Variants in MASP2 observed in about 807,000 individuals in gnomAD.
MASP2 encodes MBL associated serine protease 2.
Under a neutral mutation model 57.1 loss-of-function variants are expected in MASP2, and 49 were observed. The ratio of observed to expected loss-of-function variants is 0.86; its 90% confidence interval spans 0.68 to 1.09. The LOEUF (loss-of-function observed/expected upper bound fraction) is 1.09, where lower values mean the gene tolerates loss of function less well. Among genes scored for constraint, MASP2 ranks in the 50% least tolerant of loss-of-function variants. The probability of loss-of-function intolerance (pLI) is 0.00; values close to 1 mark genes in which losing one functional copy is unlikely to be tolerated. For synonymous variants in MASP2, 379 were observed against 340.8 expected (o/e 1.11, Z -1.24); for missense variants, 900 against 874.8 (o/e 1.03, Z -0.36).
At chr1:11,039,120 T>C (rs1451326613) in intron 6 of MASP2, among the ~76,000 whole-genome samples, 1 of 152,208 alleles carries the variant, frequency 6.6e-6, no homozygotes, top group Non-Finnish European at 1.5e-5. Flanking sequence ...GATAGCTTCC[T>C]AGCTCCTAGC....
chr1:11,027,471 G>A lies in MASP2; in HGVS notation c.1475C>T (p.Ala492Val). The A allele has an allele frequency of 6.2e-7, 1 of 1,614,104 alleles. No individual in the cohort carries two copies. Among genetic ancestry groups the A allele is most frequent in the Non-Finnish European group, 8.5e-7 (1 of 1,179,980 alleles). The change falls in exon 11 of 11, where the codon GCA becomes GTA. Residue 492 changes from alanine to valine, a missense_variant. Transcript: ENST00000400897. Reference sequence around the variant, plus strand: ...GCCCATTCGAATGTCCAGGGCGGATGCATCATGTTTTTGCTCATAGACGGC... The same window carrying A: ...GCCCATTCGAATGTCCAGGGCGGATACATCATGTTTTTGCTCATAGACGGC... ...AHAVYEQKHD[A>V]SALDIRMGTL...
chr1:11,031,546 A>AAAAAAAT (rs55763824), intron 8 of MASP2, among the ~76,000 whole-genome samples: 87 of 147,990 alleles, frequency 5.9e-4, no homozygotes, highest in Non-Finnish European at 1.1e-3. Flanking sequence ...AAAAAAAAAA[A>AAAAAAAT]GGCTGCAGCG....
chr1:11,029,253 G>A (rs1257405285), intron 10 of MASP2, among the ~76,000 whole-genome samples: 3 of 151,448 alleles, frequency 2.0e-5, no homozygotes, highest in African/African-American at 4.9e-5. Context: ...TTCCGCCTTG[G>A]CCTCCCAAAG....
intron 6 of MASP2, among the ~76,000 whole-genome samples, chr1:11,038,537 G>C (rs538736484): frequency 6.6e-6 from 1 of 152,274 alleles, no homozygotes; most frequent in East Asian, 1.9e-4. Flanking sequence ...GTGCTCCCCA[G>C]CTGCCCCTAA....
At chr1:11,031,927 T>C (rs1643853074) in intron 8 of MASP2, among the ~76,000 whole-genome samples, 1 of 151,968 alleles carries the variant, frequency 6.6e-6, no homozygotes, top group Non-Finnish European at 1.5e-5. Context: ...AAAATTCAGC[T>C]TATTCTTCTG....
rs1643830230 is a variant in MASP2, at chr1:11,030,771, A to C, written c.1199T>G (p.Phe400Cys). The change falls in exon 9 of 11, where the codon TTC becomes TGC. Residue 400 changes from phenylalanine (F) to cysteine (C), a missense_variant. Coordinates refer to ENST00000400897, the MANE Select transcript of MASP2 (RefSeq NM_006610.4). ...AVIQYSCEET[F>C]YTMKVNDGKY... is the part of the protein sequence containing the mutation. ...ACCATCATTCACTTTCATTGTGTAG[A>C]AGGTCTCTTCACAGCTGTACTGAAT... 3 of 1,611,642 alleles carry C rather than the reference A, an allele frequency of 1.9e-6. No homozygotes were observed. Among genetic ancestry groups the C allele is most frequent in the South Asian group, 2.2e-5 (2 of 90,532 alleles).
intron 4 of MASP2, 148 bp downstream of exon 4, chr1:11,045,260 G>C: frequency 8.4e-7 from 1 of 1,189,208 alleles, no homozygotes. Flanking sequence ...AAGCAGGGCT[G>C]AGAAGGGGAG....
intron 8 of MASP2, among the ~76,000 whole-genome samples, chr1:11,032,298 TGGAG>T (rs1372345781): frequency 1.3e-5 from 2 of 152,114 alleles, no homozygotes; most frequent in Non-Finnish European, 2.9e-5. Flanking sequence ...TGTGTGTAAT[TGGAG>T]GGACACACAC....
chr1:11,040,849 A>AATGG (rs1638402048), intron 6 of MASP2, among the ~76,000 whole-genome samples: 1 of 129,600 alleles, frequency 7.7e-6, no homozygotes, highest in Admixed American at 7.6e-5. Flanking sequence ...TGACTGGGAG[A>AATGG]ATGGGTGGGT....
At chr1:11,032,677 G>A (rs1216065589) in intron 8 of MASP2, among the ~76,000 whole-genome samples, 1 of 151,228 alleles carries the variant, frequency 6.6e-6, no homozygotes, top group African/African-American at 2.4e-5. Context: ...GGGAGGCCAA[G>A]GCAGGTGGAT....
chr1:11,046,734 C>T lies in MASP2; in HGVS notation c.235-1G>A. On this transcript the variant is annotated splice_acceptor_variant, in intron 2 of 10. Transcript: ENST00000400897. LOFTEE classifies it high-confidence loss of function. ...CCAGCACCTTGGCCCCCGAGCTCAG[C>T]TGTGGGGTCAGGTGTCACAGGGAGT... 1 of 1,611,346 alleles carries T rather than the reference C, an allele frequency of 6.2e-7. No homozygotes were observed. Among genetic ancestry groups the T allele is most frequent in the Non-Finnish European group, 8.5e-7 (1 of 1,179,122 alleles).
chr1:11,033,967 T>A (rs11804499), intron 8 of MASP2, among the ~76,000 whole-genome samples: 3,210 of 13,370 alleles, frequency 0.24, 74 homozygotes, highest in African/African-American at 0.39. Flanking sequence ...ACACACACAC[T>A]CTCTCTCTCT....
rs1446045930 is a variant in MASP2, at chr1:11,047,128, A to T, written c.6-9T>A. The T allele has an allele frequency of 2.6e-6, 4 of 1,549,078 alleles. No homozygotes were observed. The highest frequency in any genetic ancestry group is 2.6e-6 in the Non-Finnish European group (3 of 1,146,020). The stretch of plus-strand genomic sequence containing the variant: ...CCAGGAGGGTCAGCAGCCTATGGGC[A>T]GGGCAGGGGCGGTGAGGGCCCAGGC... On this transcript the variant is annotated splice_polypyrimidine_tract_variant and intron_variant, in intron 1 of 10. Transcript: ENST00000400897.
At chr1:11,033,938 C>T (rs1643870351) in intron 8 of MASP2, among the ~76,000 whole-genome samples, 1 of 46,588 alleles carries the variant, frequency 2.1e-5, no homozygotes, top group Non-Finnish European at 5.0e-5. Flanking sequence ...CACACACACA[C>T]ACACACACAC....
In MASP2 at chr1:11,027,129, G is replaced by T. The variant is rs752001516; in HGVS notation, c.1817C>A (p.Pro606His). The change falls in exon 11 of 11, where the codon CCC (proline) becomes CAC (histidine). Residue 606 changes from proline (P) to histidine (H), a missense_variant. By Grantham distance (77) the Pro-to-His change is moderately conservative (BLOSUM62 -2). Coordinates refer to ENST00000400897, the MANE Select transcript of MASP2 (RefSeq NM_006610.4). ...AGCAGTTACACTTCCCCTTGGATAG[G>T]GTGGCTTTTCATATGCAGCAGTACA... ...QKCTAAYEKP[P>H]YPRGSVTANM... is the part of the protein sequence containing the mutation. The T allele has an allele frequency of 1.2e-6, 2 of 1,612,618 alleles. No homozygotes were observed. The highest frequency in any genetic ancestry group is 3.3e-5 in the Admixed American group (2 of 59,846).
intron 7 of MASP2, among the ~76,000 whole-genome samples, chr1:11,037,152 A>G (rs1208051040): frequency 6.6e-6 from 1 of 152,154 alleles, no homozygotes; most frequent in Non-Finnish European, 1.5e-5. Flanking sequence ...TCCCAGGCTC[A>G]AGTGATTCTC....
At chr1:11,040,697 AGATG>A (rs766563381) in intron 6 of MASP2, among the ~76,000 whole-genome samples, 24 of 150,482 alleles carry the variant, frequency 1.6e-4, no homozygotes, top group Admixed American at 3.3e-4. Flanking sequence ...ACAGCTGGAA[AGATG>A]GATGGATGGA....
intron 4 of MASP2, 45 bp from the exon 5 acceptor site, chr1:11,043,580 C>G: frequency 1.5e-6 from 2 of 1,366,744 alleles, no homozygotes; most frequent in Non-Finnish European, 2.0e-6. Context: ...TGCCCTCTAT[C>G]AGCCCTCGCA....
chr1:11,027,432 A>G lies in MASP2; in HGVS notation c.1514T>C (p.Leu505Pro), dbSNP rs751423730. Residue 505 changes from leucine (L) to proline (P), a missense_variant, in exon 11 of 11, where the codon CTA becomes CCA. Coordinates refer to ENST00000400897, the MANE Select transcript of MASP2 (RefSeq NM_006610.4). ...CCAGGCTTGTGTATAATGAGGTGAT[A>G]GTCTTTTCAGGGTGCCCATTCGAAT... ...LDIRMGTLKR[L>P]SPHYTQAWSE... The G allele has an allele frequency of 2.0e-5, 33 of 1,614,110 alleles. No homozygotes were observed. Among genetic ancestry groups the G allele is most frequent in the East Asian group, 1.1e-4 (5 of 44,902 alleles).
Sources: allele counts gnomAD v4.1 joint callset (sites outside exome capture counted in the v4.1 genomes callset), GRCh38; gene constraint gnomAD v4.1.1; transcripts MANE v1.5; gene names NCBI Gene and HGNC (gene_info 2026-07-23, HGNC 2026-07-21).